Variants in WDR75 observed in about 807,000 individuals in gnomAD.
WDR75 encodes the protein WD repeat domain 75.
WDR75 carries 52 observed loss-of-function variants against 106.1 expected under a neutral mutation model. The ratio of observed to expected loss-of-function variants is 0.49; its 90% confidence interval spans 0.39 to 0.62. WDR75 has a LOEUF of 0.62. Among genes scored for constraint, WDR75 ranks in the 20% least tolerant of loss-of-function variants. The pLI, the probability that WDR75 is intolerant of heterozygous loss-of-function variation, is 0.00. For synonymous variants in WDR75, 333 were observed against 335.5 expected (o/e 0.99, Z 0.08); for missense variants, 905 against 970.3 (o/e 0.93, Z 0.89).
intron 1 of WDR75, among the ~76,000 whole-genome samples, chr2:189,447,662 C>G (rs371973008): frequency 8.5e-5 from 13 of 152,140 alleles, no homozygotes; most frequent in African/African-American, 2.9e-4. Flanking sequence ...TACAAACAGT[C>G]AAGAGATATG....
chr2:189,464,967 T>A, intron 11 of WDR75, 112 bp from the exon 12 acceptor site: 1 of 761,328 alleles, frequency 1.3e-6, no homozygotes, highest in South Asian at 3.0e-5. Flanking sequence ...TCTATTACTA[T>A]ACAGTACAGA....
At chr2:189,449,194 A>G (rs1221217499) in intron 2 of WDR75, 5 of 1,248,350 alleles carry the variant, frequency 4.0e-6, no homozygotes, top group African/African-American at 1.5e-5. Context: ...TATCTCAACA[A>G]TATTTTGTTC....
At chr2:189,458,151 G>A (rs145293868) in intron 6 of WDR75, among the ~76,000 whole-genome samples, 9,855 of 152,078 alleles carry the variant, frequency 0.065, 497 homozygotes, top group African/African-American at 0.14. Context: ...TTGAATTCCT[G>A]ACCTCAGGTG....
chr2:189,474,092 CAG>C (rs1687165247), intron 18 of WDR75, 92 bp from the exon 19 acceptor site: 2 of 1,341,858 alleles, frequency 1.5e-6, no homozygotes, highest in Non-Finnish European at 2.0e-6. Flanking sequence ...CCTTTCATCC[CAG>C]ACTTTTTATG....
intron 5 of WDR75, 56 bp downstream of exon 5, chr2:189,455,500 C>T: frequency 6.4e-7 from 1 of 1,570,630 alleles, no homozygotes; most frequent in Non-Finnish European, 8.6e-7. Flanking sequence ...TTCCTGCAAT[C>T]TCTCTTCTGA....
rs539708633 is a variant in WDR75, at chr2:189,450,250, C to T, written c.217-653C>T. ...TTCTTCAGTCACTTGAGAAGCACTCCCTTAATGCTCATATAAGGTAAAAGG... is the reference window on the plus strand; with the variant it reads ...TTCTTCAGTCACTTGAGAAGCACTCTCTTAATGCTCATATAAGGTAAAAGG... On this transcript the variant is annotated intron_variant, in intron 2 of 20. Transcript: ENST00000314761. The T allele has an allele frequency of 6.3e-4, 624 of 985,466 alleles. 9 individuals are homozygous for T. The South Asian group carries it at 0.025, about 39-fold the overall frequency. The allele number at this position is 985,466 out of a possible 1,614,324, so 61.0% of individuals were successfully genotyped here.
intron 11 of WDR75, among the ~76,000 whole-genome samples, chr2:189,464,801 T>G (rs571975688): frequency 6.6e-6 from 1 of 152,280 alleles, no homozygotes; most frequent in Admixed American, 6.5e-5. Context: ...TTAACGGTTC[T>G]GTTGTATCAT....
At position 189,458,736 on chromosome 2, in the gene WDR75, T is replaced by G. The variant is rs1465204913; in HGVS notation, c.570-17T>G. 7 of 1,418,750 alleles carry G rather than the reference T, an allele frequency of 4.9e-6. No individual in the cohort carries two copies. The highest frequency in any genetic ancestry group is 4.4e-5 in the African/African-American group (3 of 68,216). 87.9% of individuals were successfully genotyped at this position (1,418,750 alleles called of 1,614,324 possible). A position where few individuals can be genotyped will look rare whatever the true frequency, so the allele number is the denominator to read the frequency against. On this transcript the variant is annotated splice_polypyrimidine_tract_variant and intron_variant, in intron 6 of 20. Coordinates refer to ENST00000314761, the MANE Select transcript of WDR75 (RefSeq NM_032168.3). ...AGACTTTAATAATTAAGGGAATTTGTTTTTTTTTTCTCCTAGGTTTACTTT... is the reference window on the plus strand; with the variant it reads ...AGACTTTAATAATTAAGGGAATTTGGTTTTTTTTTCTCCTAGGTTTACTTT...
At chr2:189,448,683 C>A in intron 2 of WDR75, 175 bp downstream of exon 2, 3 of 797,278 alleles carry the variant, frequency 3.8e-6, no homozygotes, top group Non-Finnish European at 6.3e-6. Flanking sequence ...TTCTGTGAAC[C>A]ATTTGTTCCA....
Position 189,458,822 on chromosome 2 carries a change from A to T in WDR75, c.639A>T (p.Pro213=), listed in dbSNP as rs771674614. The change falls in exon 7 of 21, where the codon CCA becomes CCT. Residue 213 remains proline (P), a synonymous_variant. Coordinates refer to ENST00000314761, the MANE Select transcript of WDR75 (RefSeq NM_032168.3). The part of the protein sequence containing the change: ...KNNFTCVACH[P]TEDCIASGHM... ...ATTTTACATGTGTAGCATGTCACCC[A>T]ACGGAAGACTGCATCGCATCTGGTC... 6.2e-7 allele frequency: 1 copy of T among 1,609,600 alleles called. No homozygotes were observed. The highest frequency in any genetic ancestry group is 8.5e-7 in the Non-Finnish European group (1 of 1,178,088).
At position 189,451,860 on chromosome 2, in the gene WDR75, A is replaced by T; in HGVS notation, c.338A>T (p.Asp113Val). The T allele has an allele frequency of 6.2e-7, 1 of 1,613,698 alleles. No homozygotes were observed. The highest frequency in any genetic ancestry group is 1.1e-5 in the South Asian group (1 of 91,078). ...HALFTLAQAEDSVFVIVNKEK... is the reference protein window; with the variant it reads ...HALFTLAQAEVSVFVIVNKEK... ...CTCTTTACTCTTGCCCAAGCTGAGG[A>T]TTCTGTCTTTGTTATAGTGAATAAA... is the stretch of plus-strand genomic sequence containing the variant. Residue 113 changes from aspartate (D) to valine (V), a missense_variant, in exon 4 of 21, where the codon GAT (aspartate) becomes GTT (valine). Transcript: ENST00000314761.
At chr2:189,462,363 TG>T in intron 8 of WDR75, 120 bp from the exon 9 acceptor site, 1 of 1,129,534 alleles carries the variant, frequency 8.9e-7, no homozygotes. Flanking sequence ...AGACACTTTT[TG>T]TAGCTTTAAA....
chr2:189,462,372 A>T, intron 8 of WDR75, 112 bp from the exon 9 acceptor site: 2 of 1,199,648 alleles, frequency 1.7e-6, no homozygotes, highest in Non-Finnish European at 2.3e-6. Context: ...TTGTAGCTTT[A>T]AATGAGTTTA....
intron 5 of WDR75, among the ~76,000 whole-genome samples, chr2:189,455,847 C>G (rs1007402880): frequency 6.6e-6 from 1 of 152,086 alleles, no homozygotes; most frequent in Non-Finnish European, 1.5e-5. Context: ...TCTTAACATT[C>G]ATAAAATAAC....
chr2:189,469,581 C>G, intron 16 of WDR75, 142 bp downstream of exon 16: 1 of 650,892 alleles, frequency 1.5e-6, no homozygotes, highest in Non-Finnish European at 2.7e-6. Context: ...TTTGCCCCAA[C>G]ACTTTGTCAT....
In WDR75 at chr2:189,458,728, G is replaced by A. The variant is rs578200018; in HGVS notation, c.570-25G>A. ...TTATCAAGAGACTTTAATAATTAAG[G>A]GAATTTGTTTTTTTTTTCTCCTAGG... is the stretch of plus-strand genomic sequence containing the variant. On this transcript the variant is annotated intron_variant, in intron 6 of 20. Transcript: ENST00000314761. The A allele has an allele frequency of 4.1e-5, 63 of 1,518,384 alleles. No homozygotes were observed. The South Asian group carries it at 8.0e-4, about 19-fold the overall frequency. 94.1% of individuals were successfully genotyped at this position (1,518,384 alleles called of 1,614,324 possible).
intron 8 of WDR75, among the ~76,000 whole-genome samples, chr2:189,461,673 G>A (rs6740999): frequency 0.065 from 9,866 of 152,110 alleles, 499 homozygotes; most frequent in African/African-American, 0.14. Flanking sequence ...CTATGCCTTG[G>A]TGTAGTCATG....
At chr2:189,463,113 A>C (rs1174142078) in intron 9 of WDR75, among the ~76,000 whole-genome samples, 1 of 152,218 alleles carries the variant, frequency 6.6e-6, no homozygotes, top group Non-Finnish European at 1.5e-5. Context: ...TACTCAGCCT[A>C]GACTAGGATA....
In WDR75 at chr2:189,466,049, C is replaced by T. The variant is rs374156982; in HGVS notation, c.1290-376C>T. On this transcript the variant is annotated intron_variant, in intron 12 of 20. Coordinates refer to ENST00000314761, the MANE Select transcript of WDR75 (RefSeq NM_032168.3). Reference sequence around the variant, plus strand: ...TCCTTGCCCCAGGTGGGGCGTTTCACGGCCTTTCCATTTTTTATTTTCAAA... The same window carrying T: ...TCCTTGCCCCAGGTGGGGCGTTTCATGGCCTTTCCATTTTTTATTTTCAAA... 2.8e-4 allele frequency among the ~76,000 whole-genome samples: 43 copies of T among 152,226 alleles called. No individual in the cohort carries two copies. The East Asian group carries it at 3.9e-3, about 14-fold the overall frequency.
Sources: allele counts gnomAD v4.1 joint callset (sites outside exome capture counted in the v4.1 genomes callset), GRCh38; gene constraint gnomAD v4.1.1; transcripts MANE v1.5; gene names NCBI Gene and HGNC (gene_info 2026-07-23, HGNC 2026-07-21).